The following MB21D2 variants were observed in gnomAD, a reference collection of about 807,000 sequenced individuals.
The protein encoded by MB21D2 is nucleotidyltransferase MB21D2.
A neutral mutation model predicts 33.3 loss-of-function variants in MB21D2; 9 were observed. The ratio of observed to expected loss-of-function variants is 0.27; its 90% CI spans 0.16 to 0.47. The LOEUF is 0.47. Among genes scored for constraint, MB21D2 ranks in the 20% least tolerant of loss-of-function variants. MB21D2 has a pLI of 0.99. For missense variants in MB21D2, 540 were observed against 624.6 expected, an observed-to-expected ratio of 0.86 and a Z score of 1.44; for synonymous variants, 241 against 236.3, an observed-to-expected ratio of 1.02 and a Z score of -0.18.
intron 1 of MB21D2, among the ~76,000 whole-genome samples, chr3:192,890,383 C>G (rs1713824898): frequency 1.3e-5 from 2 of 151,896 alleles, no homozygotes; most frequent in South Asian, 4.1e-4. Context: ...ATAATTTGAG[C>G]ATATCTTGGA....
At position 192,884,158 on chromosome 3, in the gene MB21D2, G is replaced by A. The variant is rs190046503; in HGVS notation, c.211+33472C>T. Among the ~76,000 whole-genome samples the A allele has an allele frequency of 8.9e-3, 1,358 of 152,172 alleles. 7 individuals are homozygous for A. Among genetic ancestry groups the A allele is most frequent in the Non-Finnish European group, 0.014 (976 of 68,010 alleles). On this transcript the variant is annotated intron_variant, in intron 1 of 1. Transcript: ENST00000392452. ...TTCAAAGTTAGGGTCCAGTGTTGAC[G>A]TGGTGATGTAAAACTGCATTTTCCT...
intron 1 of MB21D2, among the ~76,000 whole-genome samples, chr3:192,800,301 A>T (rs997824180): frequency 1.3e-5 from 2 of 151,980 alleles, no homozygotes; most frequent in African/African-American, 4.8e-5. Flanking sequence ...CTGGTCTAAA[A>T]TTCCTGGCCT....
At chr3:192,800,880 A>G (rs957555211) in intron 1 of MB21D2, among the ~76,000 whole-genome samples, 1 of 152,210 alleles carries the variant, frequency 6.6e-6, no homozygotes, top group African/African-American at 2.4e-5. Context: ...ACTACTGACA[A>G]TATTTATTGC....
intron 1 of MB21D2, among the ~76,000 whole-genome samples, chr3:192,880,324 G>A (rs1713532898): frequency 6.6e-6 from 1 of 152,006 alleles, no homozygotes; most frequent in Non-Finnish European, 1.5e-5. Flanking sequence ...TCCAGCCTGG[G>A]TGACAGTGTG....
At chr3:192,865,694 C>A (rs1471583895) in intron 1 of MB21D2, among the ~76,000 whole-genome samples, 1 of 152,072 alleles carries the variant, frequency 6.6e-6, no homozygotes, top group Non-Finnish European at 1.5e-5. Context: ...CCCTCCCAAT[C>A]TTCCCCAACC....
intron 1 of MB21D2, among the ~76,000 whole-genome samples, chr3:192,810,628 A>T (rs1016951574): frequency 6.6e-6 from 1 of 152,206 alleles, no homozygotes; most frequent in African/African-American, 2.4e-5. Context: ...ATTCCCATGT[A>T]TCCATCACCT....
At chr3:192,808,888 G>T (rs1711723754) in intron 1 of MB21D2, among the ~76,000 whole-genome samples, 1 of 152,234 alleles carries the variant, frequency 6.6e-6, no homozygotes, top group African/African-American at 2.4e-5. Context: ...GTTTTACAAA[G>T]AGATAACTAG....
At chr3:192,906,653 T>C (rs552775925) in intron 1 of MB21D2, among the ~76,000 whole-genome samples, 1 of 152,332 alleles carries the variant, frequency 6.6e-6, no homozygotes, top group African/African-American at 2.4e-5. Context: ...TCATATTCTT[T>C]GCTTCTTGTT....
At position 192,917,134 on chromosome 3, in the gene MB21D2, G is replaced by C. The variant is rs560567776; in HGVS notation, c.211+496C>G. Among the ~76,000 whole-genome samples, 17 of 152,330 alleles carry C rather than the reference G, an allele frequency of 1.1e-4. No homozygotes were observed. The South Asian group carries it at 3.1e-3, about 28-fold the overall frequency. The stretch of plus-strand genomic sequence containing the variant: ...GCATGACAGCGCCGCGCCGCGAGAC[G>C]ACAGAAGCAACTTGTCGCTCGGGCG... On this transcript the variant is annotated intron_variant, in intron 1 of 1. Transcript: ENST00000392452.
intron 1 of MB21D2, among the ~76,000 whole-genome samples, chr3:192,883,790 G>A (rs956449180): frequency 2.0e-5 from 3 of 152,110 alleles, no homozygotes; most frequent in African/African-American, 4.8e-5. Context: ...CTATTAAATA[G>A]TTCCCTGATC....
intron 1 of MB21D2, among the ~76,000 whole-genome samples, chr3:192,870,699 G>GGAAAAA (rs537267703): frequency 2.4e-5 from 1 of 41,670 alleles, no homozygotes; most frequent in African/African-American, 1.1e-4. Context: ...CGACTCCGTT[G>GGAAAAA]AAAAAAAAAA....
Position 192,883,299 on chromosome 3 carries a change from T to C in MB21D2, c.211+34331A>G, listed in dbSNP as rs533302985. 9.3e-4 allele frequency among the ~76,000 whole-genome samples: 141 copies of C among 152,268 alleles called. 2 individuals carry two copies. In the South Asian group the frequency reaches 0.028, roughly 30 times the overall value. On this transcript the variant is annotated intron_variant, in intron 1 of 1. Coordinates refer to ENST00000392452, the MANE Select transcript of MB21D2 (RefSeq NM_178496.4). ...TTCCCTCATTAACGAGTTAAATACA[T>C]CTTTGCCATGTACTCATTTTATATT...
intron 1 of MB21D2, among the ~76,000 whole-genome samples, chr3:192,879,903 T>C (rs926887303): frequency 2.0e-5 from 3 of 150,466 alleles, no homozygotes; most frequent in African/African-American, 4.9e-5. Context: ...TGACAAGGAG[T>C]AGACAAGGAG....
intron 1 of MB21D2, among the ~76,000 whole-genome samples, chr3:192,888,050 C>A (rs1197552861): frequency 1.3e-5 from 2 of 152,070 alleles, no homozygotes; most frequent in Non-Finnish European, 2.9e-5. Flanking sequence ...TATCTGGGGA[C>A]TAGAAGGGCA....
chr3:192,833,586 G>A (rs1389771415), intron 1 of MB21D2, among the ~76,000 whole-genome samples: 1 of 152,124 alleles, frequency 6.6e-6, no homozygotes, highest in Non-Finnish European at 1.5e-5. Flanking sequence ...TCTGACAGAT[G>A]GGCTACGAAG....
chr3:192,861,819 A>C (rs947756630), intron 1 of MB21D2, among the ~76,000 whole-genome samples: 2 of 152,056 alleles, frequency 1.3e-5, no homozygotes, highest in African/African-American at 4.8e-5. Flanking sequence ...AAACAACAAA[A>C]AAACAAAAAC....
intron 1 of MB21D2, among the ~76,000 whole-genome samples, chr3:192,834,684 G>A (rs1712395152): frequency 6.6e-6 from 1 of 152,124 alleles, no homozygotes; most frequent in African/African-American, 2.4e-5. Context: ...TACCGTGAGA[G>A]CAAGACAAAC....
At chr3:192,851,884 A>G (rs112947425) in intron 1 of MB21D2, among the ~76,000 whole-genome samples, 9 of 152,304 alleles carry the variant, frequency 5.9e-5, no homozygotes, top group Admixed American at 1.3e-4. Flanking sequence ...TGTATCCTCT[A>G]AAGTATCCAA....
intron 1 of MB21D2, among the ~76,000 whole-genome samples, chr3:192,833,189 C>T (rs1206205204): frequency 3.9e-5 from 6 of 152,156 alleles, no homozygotes; most frequent in Non-Finnish European, 7.3e-5. Context: ...TGTCTCCCCT[C>T]GTGGCAATCC....
Sources: gnomAD v4.1 joint callset for allele counts (sites outside exome capture counted in the v4.1 genomes callset) on GRCh38, gnomAD v4.1.1 for gene constraint, MANE v1.5 for transcripts, NCBI Gene and HGNC (gene_info 2026-07-23, HGNC 2026-07-21) for gene names.